Variants in SNX14 observed in about 807,000 individuals in gnomAD.
SNX14 encodes the protein sorting nexin-14.
SNX14 carries 93 observed loss-of-function variants against 133.8 expected under a neutral mutation model. The observed-to-expected ratio is 0.70, with a 90% CI of 0.59 to 0.83. The LOEUF (loss-of-function observed/expected upper bound fraction) is 0.83. Among genes scored for constraint, SNX14 ranks in the 40% least tolerant of loss-of-function variants. SNX14 has a pLI of 0.00. For synonymous variants in SNX14, 368 were observed against 365.6 expected, an observed-to-expected ratio of 1.01 and a Z score of -0.07; for missense variants, 945 against 1,094.9, an observed-to-expected ratio of 0.86 and a Z score of 1.93.
At chr6:85,519,058 T>G (rs1381557342) in intron 21 of SNX14, among the ~76,000 whole-genome samples, 1 of 152,214 alleles carries the variant, frequency 6.6e-6, no homozygotes, top group East Asian at 1.9e-4. Context: ...ATTCATCCAG[T>G]TATTTAAATA....
At chr6:85,567,708 A>G in intron 4 of SNX14, 131 bp from the exon 5 acceptor site, 1 of 540,850 alleles carries the variant, frequency 1.8e-6, no homozygotes, top group Non-Finnish European at 3.1e-6. Context: ...GTAGGCGGTG[A>G]GCAGTGGCTC....
intron 27 of SNX14, 96 bp from the exon 28 acceptor site, chr6:85,507,385 T>C (rs1173192387): frequency 9.9e-7 from 1 of 1,009,762 alleles, no homozygotes; most frequent in East Asian, 2.5e-5. Context: ...TGGTTACCTC[T>C]AAGTGGGAAG....
At chr6:85,551,071 G>A (rs1387274378) in intron 7 of SNX14, among the ~76,000 whole-genome samples, 2 of 152,102 alleles carry the variant, frequency 1.3e-5, no homozygotes. Flanking sequence ...ATGAGCCACT[G>A]CGCCTGGCCT....
rs190428991 is a variant in SNX14 at position 85,581,480 on chromosome 6, T to A, written c.141-7102A>T. 53 of 152,226 alleles carry A rather than the reference T, an allele frequency of 3.5e-4. 1 individual carries two copies. In the East Asian group the frequency reaches 9.9e-3, roughly 28 times the overall value. The allele number at this position is 152,226 out of a possible 1,614,324, so 9.4% of individuals were successfully genotyped here. A position where few individuals can be genotyped will look rare whatever the true frequency, so the allele number is the denominator to read the frequency against. ...AGCATCAAGACCATGAAGGGAAACA[T>A]GGCTCACCAAACAAACTAAATAAAG... is the stretch of plus-strand genomic sequence containing the variant. On this transcript the variant is annotated intron_variant, in intron 1 of 28. Coordinates refer to ENST00000314673, the MANE Select transcript of SNX14 (RefSeq NM_153816.6).
At chr6:85,513,919 T>C in intron 25 of SNX14, 24 bp from the exon 26 acceptor site, 1 of 1,587,036 alleles carries the variant, frequency 6.3e-7, no homozygotes, top group Non-Finnish European at 8.6e-7. Context: ...AAAAGAAATA[T>C]TTCTGGAATT....
chr6:85,539,136 G>A (rs1219852609), intron 15 of SNX14, among the ~76,000 whole-genome samples: 1 of 152,052 alleles, frequency 6.6e-6, no homozygotes, highest in African/African-American at 2.4e-5. Flanking sequence ...GGGTGACATG[G>A]AAAAAAATTA....
At position 85,547,179 on chromosome 6, in the gene SNX14, T is replaced by C; in HGVS notation, c.1041A>G (p.Leu347=). The change falls in exon 12 of 29, where the codon TTA becomes TTG. Residue 347 remains leucine, a synonymous_variant. Coordinates refer to ENST00000314673, the MANE Select transcript of SNX14 (RefSeq NM_153816.6). Reference sequence around the variant, plus strand: ...GTTTCAGAAAGTTCATAAAACGAAATAAAAGATCTTGTTGCTCTCTGATTT... The same window carrying C: ...GTTTCAGAAAGTTCATAAAACGAAACAAAAGATCTTGTTGCTCTCTGATTT... ...LKQIREQQDL[L]FRFMNFLKQE... is the part of the protein sequence containing the mutation. 3.1e-6 allele frequency: 5 copies of C among 1,613,970 alleles called. No individual in the cohort carries two copies. The highest frequency in any genetic ancestry group is 4.2e-6 in the Non-Finnish European group (5 of 1,179,910).
chr6:85,590,910 G>T (rs527367791), intron 1 of SNX14, among the ~76,000 whole-genome samples: 1 of 152,210 alleles, frequency 6.6e-6, no homozygotes, highest in African/African-American at 2.4e-5. Flanking sequence ...TCTTGAAATG[G>T]CAGGCAATCA....
chr6:85,570,019 C>T (rs4296866), intron 4 of SNX14, among the ~76,000 whole-genome samples: 60,653 of 151,976 alleles, frequency 0.4, 12,751 homozygotes, highest in Middle Eastern at 0.52. Context: ...ACCTCTAGTT[C>T]TCCGATCTGA....
At chr6:85,565,694 T>C (rs921493588) in intron 5 of SNX14, among the ~76,000 whole-genome samples, 4 of 152,228 alleles carry the variant, frequency 2.6e-5, no homozygotes, top group African/African-American at 4.8e-5. Context: ...TTTACAATAC[T>C]GAGATTATGT....
intron 7 of SNX14, 43 bp downstream of exon 7, chr6:85,557,933 A>T (rs751806621): frequency 8.3e-7 from 1 of 1,203,030 alleles, no homozygotes; most frequent in African/African-American, 1.5e-5. Flanking sequence ...AAATTGGTGT[A>T]TAAAAACAAA....
At chr6:85,508,322 A>T in intron 26 of SNX14, 7 of 218,838 alleles carry the variant, frequency 3.2e-5, no homozygotes, top group East Asian at 1.7e-4. Flanking sequence ...TGCTGCAGTA[A>T]AAAAAAAAAA....
intron 6 of SNX14, among the ~76,000 whole-genome samples, chr6:85,563,975 A>G (rs1436508597): frequency 6.6e-6 from 1 of 151,968 alleles, no homozygotes; most frequent in Non-Finnish European, 1.5e-5. Flanking sequence ...CCTGTGTCCA[A>G]ATGTTCTCAT....
chr6:85,572,827 C>T (rs1206806731), intron 2 of SNX14, among the ~76,000 whole-genome samples: 3 of 152,164 alleles, frequency 2.0e-5, no homozygotes, highest in African/African-American at 7.2e-5. Context: ...GGTGTGGTGG[C>T]ACATGCCTAT....
chr6:85,533,501 T>C (rs1306359758), intron 18 of SNX14, 98 bp downstream of exon 18: 13 of 1,099,910 alleles, frequency 1.2e-5, no homozygotes, highest in South Asian at 9.3e-5. Flanking sequence ...TATGCAGCCA[T>C]ATTTGTTAGT....
chr6:85,512,948 G>A (rs1773477966), intron 26 of SNX14, among the ~76,000 whole-genome samples: 1 of 152,140 alleles, frequency 6.6e-6, no homozygotes, highest in African/African-American at 2.4e-5. Flanking sequence ...TTATGTGCCA[G>A]ACCAGAAACT....
intron 1 of SNX14, among the ~76,000 whole-genome samples, chr6:85,592,346 T>C (rs1343458394): frequency 6.6e-6 from 1 of 152,224 alleles, no homozygotes; most frequent in Non-Finnish European, 1.5e-5. Flanking sequence ...CCAAATTCCT[T>C]GCGCATTCCT....
At chr6:85,538,239 T>C (rs1419809303) in intron 16 of SNX14, among the ~76,000 whole-genome samples, 1 of 152,110 alleles carries the variant, frequency 6.6e-6, no homozygotes, top group Non-Finnish European at 1.5e-5. Context: ...TTAAACTAGA[T>C]TATTTTATCT....
intron 18 of SNX14, among the ~76,000 whole-genome samples, chr6:85,532,179 A>T (rs1780519420): frequency 1.3e-5 from 2 of 152,378 alleles, no homozygotes; most frequent in African/African-American, 4.8e-5. Context: ...AGTTGTCTTA[A>T]AGCAAAAACA....
Sources: gnomAD v4.1 joint callset for allele counts (sites outside exome capture counted in the v4.1 genomes callset) on GRCh38, gnomAD v4.1.1 for gene constraint, MANE v1.5 for transcripts, NCBI Gene and HGNC (gene_info 2026-07-23, HGNC 2026-07-21) for gene names.